The following ELMO3 variants were observed in gnomAD, a reference collection of about 807,000 sequenced individuals.
The protein encoded by ELMO3 is engulfment and cell motility 3.
ELMO3 carries 81 observed loss-of-function variants against 89.0 expected under a neutral mutation model. The observed-to-expected ratio is 0.91, with a 90% confidence interval of 0.76 to 1.09. The LOEUF (loss-of-function observed/expected upper bound fraction) is 1.09. Among genes scored for constraint, ELMO3 ranks in the 50% least tolerant of loss-of-function variants. The probability of loss-of-function intolerance (pLI) is 0.00; values close to 1 mark genes in which losing one functional copy is unlikely to be tolerated. For missense variants in ELMO3, 959 were observed against 972.8 expected, an observed-to-expected ratio of 0.99 and a Z score of 0.19; for synonymous variants, 406 against 400.6, an observed-to-expected ratio of 1.01 and a Z score of -0.16.
rs1485029491 is a variant in ELMO3 at position 67,202,974 on chromosome 16, T to C, written c.1645T>C (p.Phe549Leu). ...RLLRLCEGTL[F>L]RKISSRRRQD... ...GCTCCGCCTCTGTGAGGGGACGCTC[T>C]TCCGCAAGATCAGCAGCCGGCGGCG... The change falls in exon 16 of 20, where the codon TTC becomes CTC. Residue 549 changes from phenylalanine (F) to leucine (L), a missense_variant. By Grantham distance (22) the Phe-to-Leu change is conservative. Coordinates refer to ENST00000393997, the MANE Select transcript of ELMO3 (RefSeq NM_024712.5). 2 of 1,607,800 alleles carry C rather than the reference T, an allele frequency of 1.2e-6. No homozygotes were observed. The highest frequency in any genetic ancestry group is 1.7e-6 in the Non-Finnish European group (2 of 1,179,928).
Position 67,203,942 on chromosome 16 carries a change from G to A in ELMO3, c.*65G>A. 1 of 1,349,974 alleles carries A rather than the reference G, an allele frequency of 7.4e-7. No individual in the cohort carries two copies. The highest frequency in any genetic ancestry group is 1.0e-6 in the Non-Finnish European group (1 of 1,003,902). 83.6% of individuals were successfully genotyped at this position (1,349,974 alleles called of 1,614,324 possible). ...GCAGCCATGAAGGGCAGTGGGTAGA[G>A]GAGTGCAGGCACCCTGACCAGCAGA... On this transcript the variant is annotated 3_prime_UTR_variant, in exon 20 of 20. Transcript: ENST00000393997. The surrounding 1 kb of genome is among the most constrained non-coding windows in gnomAD (Gnocchi z 4.6).
At position 67,202,028 on chromosome 16, in the gene ELMO3, C is replaced by G. The variant is rs1350558307; in HGVS notation, c.1102C>G (p.Leu368Val). Residue 368 changes from leucine to valine, a missense_variant, in exon 12 of 20, where the codon CTG becomes GTG. Physicochemically the swap from Leu to Val is conservative, Grantham distance 32. Transcript: ENST00000393997. ...GCGCGTGCCCCCCGGTCTGCTGGCC[C>G]TGGACAACATGTTGTACTTCTCCAG... Reference protein sequence around the residue: ...LERVPPGLLALDNMLYFSRNA... With the variant: ...LERVPPGLLAVDNMLYFSRNA... 1.9e-6 allele frequency: 3 copies of G among 1,610,902 alleles called. No individual in the cohort carries two copies. The highest frequency in any genetic ancestry group is 2.5e-6 in the Non-Finnish European group (3 of 1,178,760).
chr16:67,202,811 C>G, intron 15 of ELMO3, 21 bp downstream of exon 15: 1 of 1,612,414 alleles, frequency 6.2e-7, no homozygotes, highest in Non-Finnish European at 8.5e-7. Flanking sequence ...GGGGATGGAT[C>G]CTCAGTCCTA....
chr16:67,200,052 TCCAGAGGCCCCCCGCC>T (rs1257989416), intron 4 of ELMO3, 51 bp downstream of exon 4: 6 of 1,599,818 alleles, frequency 3.8e-6, no homozygotes, highest in Non-Finnish European at 5.1e-6. Context: ...TTGCTCCAGG[TCCAGAGGCCCCCCGCC>T]CCGGAGGCCC....
In ELMO3 at chr16:67,200,974, T is replaced by G. The variant is rs778383294; in HGVS notation, c.744+6T>G. On this transcript the variant is annotated splice_donor_region_variant and intron_variant, in intron 8 of 19. Transcript: ENST00000393997. ...CCAGCCCTGTGGAACGCAAGGTGAGTGTCGATCGGTGGCTAGATGGGGGCA... is the reference window on the plus strand; with the variant it reads ...CCAGCCCTGTGGAACGCAAGGTGAGGGTCGATCGGTGGCTAGATGGGGGCA... 1.3e-6 allele frequency: 2 copies of G among 1,590,404 alleles called. No homozygotes were observed. Among genetic ancestry groups the G allele is most frequent in the Non-Finnish European group, 1.7e-6 (2 of 1,173,996 alleles).
chr16:67,200,036 G>A (rs1285441488), intron 4 of ELMO3, 35 bp downstream of exon 4: 1 of 1,608,412 alleles, frequency 6.2e-7, no homozygotes, highest in South Asian at 1.1e-5. Context: ...CCCCATCCCT[G>A]CCCCTTTGCT....
In ELMO3 at chr16:67,203,731, C is replaced by A; in HGVS notation, c.2017C>A (p.Leu673Met). 1 of 1,613,668 alleles carries A rather than the reference C, an allele frequency of 6.2e-7. No homozygotes were observed. Among genetic ancestry groups the A allele is most frequent in the Non-Finnish European group, 8.5e-7 (1 of 1,180,012 alleles). Residue 673 changes from leucine (L) to methionine (M), a missense_variant, in exon 20 of 20, where the codon CTG becomes ATG. Transcript: ENST00000393997. This position sits in a 1 kb window ranked among gnomAD's most constrained non-coding sequence, Gnocchi z 4.6. ...GSPMGSEQTR[L>M]DLEQLLTMET... Reference sequence around the variant, plus strand: ...TCCCATGGGCAGCGAGCAGACACGGCTGGACCTGGAGCAGCTGCTGACCAT... The same window carrying A: ...TCCCATGGGCAGCGAGCAGACACGGATGGACCTGGAGCAGCTGCTGACCAT...
chr16:67,201,982 C>T lies in ELMO3; in HGVS notation c.1056C>T (p.Ser352=), dbSNP rs201270146. The T allele has an allele frequency of 1.2e-3, 1,869 of 1,612,888 alleles. 21 individuals are homozygous for T. In the African/African-American group the frequency reaches 0.021, roughly 18 times the overall value. The part of the protein sequence containing the change: ...REFRKLGFSN[S]NPAQDLERVP... Reference sequence around the variant, plus strand: ...CCTGTGCCCACTTCCCCCAGAACAGCAACCCAGCACAGGACCTGGAGCGCG... The same window carrying T: ...CCTGTGCCCACTTCCCCCAGAACAGTAACCCAGCACAGGACCTGGAGCGCG... The change falls in exon 12 of 20, where the codon AGC becomes AGT. Residue 352 remains serine (S), a synonymous_variant. Transcript: ENST00000393997.
At chr16:67,202,854 C>A (rs2033149147) in intron 15 of ELMO3, 38 bp from the exon 16 acceptor site, 1 of 1,612,614 alleles carries the variant, frequency 6.2e-7, no homozygotes. Flanking sequence ...CTGGGCTACT[C>A]CCCAGGTCAG....
At position 67,200,582 on chromosome 16, in the gene ELMO3, G is replaced by A. The variant is rs765691080; in HGVS notation, c.513+32G>A. On this transcript the variant is annotated intron_variant, in intron 6 of 19. Coordinates refer to ENST00000393997, the MANE Select transcript of ELMO3 (RefSeq NM_024712.5). ...GGGCTTTCCTAGGGCAGCGGGTGGG[G>A]GCAGTGGAGCAGTGGGGCAGTGGTA... 4.3e-6 allele frequency: 7 copies of A among 1,613,250 alleles called. No individual in the cohort carries two copies. In the East Asian group the frequency reaches 6.7e-5, roughly 15 times the overall value.
intron 4 of ELMO3, 75 bp downstream of exon 4, chr16:67,200,076 C>T (rs2142217741): frequency 6.4e-7 from 1 of 1,553,764 alleles, no homozygotes; most frequent in Non-Finnish European, 8.7e-7. Context: ...GCCCCGGAGG[C>T]CCCCGCCCCA....
intron 8 of ELMO3, 119 bp downstream of exon 8, chr16:67,201,087 C>T: frequency 4.2e-6 from 5 of 1,179,566 alleles, no homozygotes; most frequent in Non-Finnish European, 5.8e-6. Context: ...GCTCTGTCGC[C>T]CAGGCTGGAG....
Position 67,199,942 on chromosome 16 carries a change from C to G in ELMO3, c.193-9C>G. On this transcript the variant is annotated splice_polypyrimidine_tract_variant and intron_variant, in intron 3 of 19. Coordinates refer to ENST00000393997, the MANE Select transcript of ELMO3 (RefSeq NM_024712.5). ...CTGACCTCGCTGCCTTTTCTGCTGTCTTCTCCAGAACCGCGCGGAGATCAA... is the reference window on the plus strand; with the variant it reads ...CTGACCTCGCTGCCTTTTCTGCTGTGTTCTCCAGAACCGCGCGGAGATCAA... 6.2e-7 allele frequency: 1 copy of G among 1,613,978 alleles called. No individual in the cohort carries two copies. Among genetic ancestry groups the G allele is most frequent in the Non-Finnish European group, 8.5e-7 (1 of 1,180,032 alleles).
Position 67,200,919 on chromosome 16 carries a change from T to C in ELMO3, c.695T>C (p.Met232Thr), listed in dbSNP as rs567828163. Residue 232 changes from methionine to threonine, a missense_variant, in exon 8 of 20, where the codon ATG becomes ACG. Coordinates refer to ENST00000393997, the MANE Select transcript of ELMO3 (RefSeq NM_024712.5). Reference sequence around the variant, plus strand: ...AACCAGCAGCTGCAAACCAAGGCCATGGCCCTGCTGACAGCCTTGCTGCAG... The same window carrying C: ...AACCAGCAGCTGCAAACCAAGGCCACGGCCCTGCTGACAGCCTTGCTGCAG... ...VMNQQLQTKA[M>T]ALLTALLQGA... The C allele has an allele frequency of 1.9e-6, 3 of 1,613,032 alleles. No individual in the cohort carries two copies. Among genetic ancestry groups the C allele is most frequent in the South Asian group, 2.2e-5 (2 of 91,026 alleles).
intron 1 of ELMO3, 72 bp downstream of exon 1, chr16:67,199,476 G>GGGCCCCCCCCCCCCCCCCCCCCCCC: frequency 6.7e-7 from 1 of 1,503,586 alleles, no homozygotes; most frequent in Non-Finnish European, 9.0e-7. Context: ...CCTCGGGGCA[G>GGGCCCCCCCCCCCCCCCCCCCCCCC]CCCGCCCCAC....
chr16:67,201,697 T>C lies in ELMO3; in HGVS notation c.919-45T>C, dbSNP rs368732433. 5.0e-6 allele frequency: 8 copies of C among 1,607,640 alleles called. No homozygotes were observed. In the African/African-American group the frequency reaches 1.1e-4, roughly 21 times the overall value. ...GGGTGGCTTAGAGCTTGGCCTTGAA[T>C]CTATAATCTTGATCCCCTCCCCCGC... On this transcript the variant is annotated intron_variant, in intron 10 of 19. Transcript: ENST00000393997.
Position 67,202,988 on chromosome 16 carries a change from C to T in ELMO3, c.1659C>T (p.Ser553=), listed in dbSNP as rs771969878. The T allele has an allele frequency of 3.1e-6, 5 of 1,606,166 alleles. No homozygotes were observed. Among genetic ancestry groups the T allele is most frequent in the Non-Finnish European group, 3.4e-6 (4 of 1,179,842 alleles). The change falls in exon 16 of 20, where the codon AGC becomes AGT. Residue 553 remains serine (S), a synonymous_variant. Transcript: ENST00000393997. ...LCEGTLFRKI[S]SRRRQDKLWF... ...AGGGGACGCTCTTCCGCAAGATCAGCAGCCGGCGGCGCCAGGGTCTCTGAA... is the reference window on the plus strand; with the variant it reads ...AGGGGACGCTCTTCCGCAAGATCAGTAGCCGGCGGCGCCAGGGTCTCTGAA...
At position 67,203,115 on chromosome 16, in the gene ELMO3, G is replaced by A. The variant is rs1394200292; in HGVS notation, c.1676-4G>A. The A allele has an allele frequency of 3.7e-6, 6 of 1,606,502 alleles. No individual in the cohort carries two copies. The highest frequency in any genetic ancestry group is 4.2e-6 in the Non-Finnish European group (5 of 1,177,164). ...CTCTGGCCCTCTTCCCTTTCTCCAC[G>A]CAGATAAGCTGTGGTTCTGCTGCCT... On this transcript the variant is annotated splice_polypyrimidine_tract_variant and splice_region_variant and intron_variant, in intron 16 of 19. Transcript: ENST00000393997. The surrounding 1 kb of genome is among the most constrained non-coding windows in gnomAD (Gnocchi z 4.6).
At position 67,200,251 on chromosome 16, in the gene ELMO3, G is replaced by A; in HGVS notation, c.303G>A (p.Arg101=). The part of the protein sequence containing the change: ...GLQSNSPEGR[R]EALRRLVPLA... Reference sequence around the variant, plus strand: ...AGAGTAACAGTCCTGAAGGGCGCCGGGAAGCCCTGAGGCGCCTTGTTCCGC... The same window carrying A: ...AGAGTAACAGTCCTGAAGGGCGCCGAGAAGCCCTGAGGCGCCTTGTTCCGC... Residue 101 remains arginine (R), a synonymous_variant, in exon 5 of 20, where the codon CGG becomes CGA. Transcript: ENST00000393997. 10 of 1,613,756 alleles carry A rather than the reference G, an allele frequency of 6.2e-6. No individual in the cohort carries two copies. The highest frequency in any genetic ancestry group is 8.5e-6 in the Non-Finnish European group (10 of 1,180,040).
Sources: gnomAD v4.1 joint callset for allele counts on GRCh38, gnomAD v4.1.1 for gene constraint, Gnocchi (gnomAD v3.1) non-coding constraint, MANE v1.5 for transcripts, NCBI Gene and HGNC (gene_info 2026-07-23, HGNC 2026-07-21) for gene names.